MAX: variants seen among roughly 807,000 people sequenced by gnomAD.
MAX encodes the protein protein max.
A neutral mutation model predicts 22.3 loss-of-function variants in MAX; 3 were observed. That is an observed-to-expected ratio of 0.13 (90% CI 0.06 to 0.35). MAX has a LOEUF of 0.35. Ranked by LOEUF, MAX falls within the 10% of genes least tolerant of loss-of-function variation. MAX has a pLI of 1.00. For synonymous variants in MAX, 72 were observed against 77.7 expected, an observed-to-expected ratio of 0.93 and a Z score of 0.39; for missense variants, 119 against 209.4, an observed-to-expected ratio of 0.57 and a Z score of 2.66.
rs2063873682 is a variant in MAX at position 65,102,290 on chromosome 14, G to GC, written c.36+13dup. Reference sequence around the variant, plus strand: ...TGACAACCCGCACGGGAAGGAAGAAGCCCCAGGACTCACGTCGCTCTCCAC... The same window carrying GC: ...TGACAACCCGCACGGGAAGGAAGAAGCCCCCAGGACTCACGTCGCTCTCCAC... On this transcript the variant is annotated intron_variant, in intron 1 of 4. Coordinates refer to ENST00000358664, the MANE Select transcript of MAX (RefSeq NM_002382.5). The GC allele has an allele frequency of 6.2e-7, 1 of 1,613,688 alleles. No homozygotes were observed. Among genetic ancestry groups the GC allele is most frequent in the Non-Finnish European group, 8.5e-7 (1 of 1,179,736 alleles).
At position 65,080,050 on chromosome 14, in the gene MAX, A is replaced by G. The variant is rs143887046; in HGVS notation, c.172-2014T>C. Among the ~76,000 whole-genome samples the G allele has an allele frequency of 7.0e-4, 107 of 152,344 alleles. 1 individual carries two copies. Among genetic ancestry groups the G allele is most frequent in the African/African-American group, 2.5e-3 (105 of 41,582 alleles). On this transcript the variant is annotated intron_variant, in intron 3 of 4. Transcript: ENST00000358664. ...ATATGTCTATACATGGAAATATCAC[A>G]GGGCAGTGCTGACAAGCGTAACCTG... is the stretch of plus-strand genomic sequence containing the variant.
At chr14:65,081,647 G>C (rs371754297) in intron 3 of MAX, among the ~76,000 whole-genome samples, 2 of 152,200 alleles carry the variant, frequency 1.3e-5, no homozygotes, top group Non-Finnish European at 2.9e-5. Flanking sequence ...GATAGAACTT[G>C]GTAAGTCAAC....
chr14:65,015,580 A>G, intron 3 of MAX: 1 of 1,606,790 alleles, frequency 6.2e-7, no homozygotes, highest in Non-Finnish European at 8.5e-7. Flanking sequence ...AGTGTCTTGG[A>G]GTGATTGTGA....
Position 65,075,224 on chromosome 14 carries a change from T to G in MAX, c.*1252A>C, listed in dbSNP as rs1461995284. 3 of 1,053,322 alleles carry G rather than the reference T, an allele frequency of 2.8e-6. No individual in the cohort carries two copies. The highest frequency in any genetic ancestry group is 2.3e-6 in the Non-Finnish European group (2 of 871,732). The allele number at this position is 1,053,322 out of a possible 1,614,324, so 65.2% of individuals were successfully genotyped here. ...GCAGTATGTACAACATACTTTTTAT[T>G]TCCATGGAATGGAATCAAACACGAA... is the stretch of plus-strand genomic sequence containing the variant. On this transcript the variant is annotated 3_prime_UTR_variant, in exon 5 of 5. Transcript: ENST00000358664. The surrounding 1 kb of genome is among the most constrained non-coding windows in gnomAD (Gnocchi z 4.1).
rs1264045896 is a variant in MAX, at chr14:65,023,626, G to T, written c.172-17342C>A. Among the ~76,000 whole-genome samples, 1 of 152,192 alleles carries T rather than the reference G, an allele frequency of 6.6e-6. No homozygotes were observed. Among genetic ancestry groups the T allele is most frequent in the Non-Finnish European group, 1.5e-5 (1 of 68,044 alleles). ...TGGCCACTAGCCACAGTTAGTTGTGGAGTACTTGAAATGTGTCTTGTGTGA... is the reference window on the plus strand; with the variant it reads ...TGGCCACTAGCCACAGTTAGTTGTGTAGTACTTGAAATGTGTCTTGTGTGA... On this transcript the variant is annotated intron_variant, in intron 3 of 3. Transcript: ENST00000341653. This position sits in a 1 kb window ranked among gnomAD's most constrained non-coding sequence, Gnocchi z 4.1.
intron 2 of MAX, among the ~76,000 whole-genome samples, chr14:65,095,875 C>A (rs2063653230): frequency 6.6e-6 from 1 of 152,174 alleles, no homozygotes; most frequent in Admixed American, 6.5e-5. Context: ...TCTCAAACAG[C>A]TAGAATGAAG....
chr14:65,060,870 C>CAAAAAAAAAAAAAAAAAAAAAAAAAA (rs58241887), intron 3 of MAX, among the ~76,000 whole-genome samples: 1 of 79,576 alleles, frequency 1.3e-5, no homozygotes, highest in Non-Finnish European at 2.6e-5. Context: ...AAGACTCTCT[C>CAAAAAAAAAAAAAAAAAAAAAAAAAA]AAAAAAAAAA....
rs1297371926 is a variant in MAX at position 65,007,331 on chromosome 14, T to C, written c.172-1047A>G. Among the ~76,000 whole-genome samples, 1 of 152,242 alleles carries C rather than the reference T, an allele frequency of 6.6e-6. No individual in the cohort carries two copies. The highest frequency in any genetic ancestry group is 1.5e-5 in the Non-Finnish European group (1 of 68,040). The stretch of plus-strand genomic sequence containing the variant: ...CTGTTAGCTGAAGTGCATGGTTAGC[T>C]GTTAGCAGTAAATCTAGATGGCAGG... On this transcript the variant is annotated intron_variant, in intron 3 of 3. Transcript: ENST00000341653. This position sits in a 1 kb window ranked among gnomAD's most constrained non-coding sequence, Gnocchi z 4.9.
rs764162335 is a variant in MAX, at chr14:65,054,572, C to T, written c.171+39136G>A. On this transcript the variant is annotated intron_variant, in intron 3 of 3. Transcript: ENST00000341653. The surrounding 1 kb of genome is among the most constrained non-coding windows in gnomAD (Gnocchi z 4.4). Reference sequence around the variant, plus strand: ...GCCTGCTCAGAGCTGCCTGTCCTTACAGGTCGCGTGATTTCTACCACACCT... The same window carrying T: ...GCCTGCTCAGAGCTGCCTGTCCTTATAGGTCGCGTGATTTCTACCACACCT... 24 of 1,611,986 alleles carry T rather than the reference C, an allele frequency of 1.5e-5. No individual in the cohort carries two copies. The highest frequency in any genetic ancestry group is 2.0e-5 in the Non-Finnish European group (23 of 1,179,196).
intron 3 of MAX, among the ~76,000 whole-genome samples, chr14:65,055,592 C>T (rs917701614): frequency 2.6e-5 from 4 of 152,026 alleles, no homozygotes; most frequent in Non-Finnish European, 5.9e-5. Flanking sequence ...TATTGGCTCA[C>T]TGCAACCTCC....
chr14:65,043,828 C>CCAAA (rs2062410402), intron 3 of MAX, among the ~76,000 whole-genome samples: 1 of 64,234 alleles, frequency 1.6e-5, no homozygotes, highest in African/African-American at 5.7e-5. Flanking sequence ...GACTCCGTCT[C>CCAAA]AAAAAAAAAA....
downstream of MAX, among the ~76,000 whole-genome samples, chr14:65,074,643 A>T (rs538594563): frequency 1.8e-4 from 28 of 152,364 alleles, no homozygotes; most frequent in South Asian, 4.1e-4. Context: ...GTTGGGTCCC[A>T]GTCTGAGTAG....
At position 65,016,712 on chromosome 14, in the gene MAX, G is replaced by A. The variant is rs117868405; in HGVS notation, c.172-10428C>T. Reference sequence around the variant, plus strand: ...TCATTCTTGCCTTCCTGGGCAGGGTGTCTTGTGATGAATGTGGATGGGGAA... The same window carrying A: ...TCATTCTTGCCTTCCTGGGCAGGGTATCTTGTGATGAATGTGGATGGGGAA... On this transcript the variant is annotated intron_variant, in intron 3 of 3. Transcript: ENST00000341653. Among the ~76,000 whole-genome samples, 11 of 152,304 alleles carry A rather than the reference G, an allele frequency of 7.2e-5. No individual in the cohort carries two copies. In the East Asian group the frequency reaches 2.1e-3, roughly 29 times the overall value.
At position 65,102,503 on chromosome 14, in the gene MAX, A is replaced by G. The variant is rs2063882716; in HGVS notation, c.-164T>C. On this transcript the variant is annotated 5_prime_UTR_variant, in exon 1 of 5. Coordinates refer to ENST00000358664, the MANE Select transcript of MAX (RefSeq NM_002382.5). ...CACACACACACACAACACGGGCAAG[A>G]ACCACCTCCTCACTGCAGCACCGGA... is the stretch of plus-strand genomic sequence containing the variant. 6.7e-7 allele frequency: 1 copy of G among 1,484,066 alleles called. No homozygotes were observed. Among genetic ancestry groups the G allele is most frequent in the South Asian group, 1.3e-5 (1 of 74,712 alleles). The allele number at this position is 1,484,066 out of a possible 1,614,324, so 91.9% of individuals were successfully genotyped here.
In MAX at chr14:65,032,806, C is replaced by T; in HGVS notation, c.172-26522G>A. On this transcript the variant is annotated intron_variant, in intron 3 of 3. Coordinates refer to the MAX transcript ENST00000341653. The surrounding 1 kb of genome is among the most constrained non-coding windows in gnomAD (Gnocchi z 5.0). ...GACTTGGAAGGAAATACAAAAATCA[C>T]AGGAGATCCATTAGGGTTATCTAAT... 2 of 1,027,040 alleles carry T rather than the reference C, an allele frequency of 1.9e-6. No homozygotes were observed. Among genetic ancestry groups the T allele is most frequent in the Non-Finnish European group, 2.8e-6 (2 of 727,266 alleles). 63.6% of individuals were successfully genotyped at this position (1,027,040 alleles called of 1,614,324 possible).
intron 3 of MAX, among the ~76,000 whole-genome samples, chr14:65,065,466 C>T (rs1485920959): frequency 6.6e-6 from 1 of 152,190 alleles, no homozygotes; most frequent in Non-Finnish European, 1.5e-5. Flanking sequence ...TGCACTTACA[C>T]AGACCTAGAT....
rs1459362194 is a variant in MAX, at chr14:65,079,511, G to C, written c.172-1475C>G. On this transcript the variant is annotated intron_variant, in intron 3 of 4. Coordinates refer to ENST00000358664, the MANE Select transcript of MAX (RefSeq NM_002382.5). The surrounding 1 kb of genome is among the most constrained non-coding windows in gnomAD (Gnocchi z 4.5). ...TTATGGCCAGGCAGCCAGCCAAACT[G>C]GTAGAATAGTACAAAGCCAAGCGAA... 6.6e-6 allele frequency among the ~76,000 whole-genome samples: 1 copy of C among 152,226 alleles called. No homozygotes were observed. The highest frequency in any genetic ancestry group is 2.4e-5 in the African/African-American group (1 of 41,464).
intron 2 of MAX, 186 bp from the exon 3 acceptor site, chr14:65,094,001 T>A: frequency 6.2e-6 from 4 of 648,778 alleles, no homozygotes; most frequent in Non-Finnish European, 1.1e-5. Context: ...GAGAAAGGGG[T>A]GAGCAACGCT....
rs1397836121 is a variant in MAX at position 65,031,775 on chromosome 14, G to A, written c.172-25491C>T. 6.6e-6 allele frequency among the ~76,000 whole-genome samples: 1 copy of A among 152,188 alleles called. No homozygotes were observed. The highest frequency in any genetic ancestry group is 2.0e-4 in the East Asian group (1 of 5,120). ...ATCTCCACTAAAAATAGAAAAATAA[G>A]CCAGGCATGGTGGCATGCGCCTGTA... On this transcript the variant is annotated intron_variant, in intron 3 of 3. Coordinates refer to the MAX transcript ENST00000341653. The surrounding 1 kb of genome is among the most constrained non-coding windows in gnomAD (Gnocchi z 4.6).
Sources: gnomAD v4.1 joint callset for allele counts (sites outside exome capture counted in the v4.1 genomes callset) on GRCh38, gnomAD v4.1.1 for gene constraint, Gnocchi (gnomAD v3.1) non-coding constraint, MANE v1.5 for transcripts, NCBI Gene and HGNC (gene_info 2026-07-23, HGNC 2026-07-21) for gene names.